The following RNF20 variants were observed in gnomAD, a reference collection of about 807,000 sequenced individuals.
The protein encoded by RNF20 is E3 ubiquitin-protein ligase BRE1A.
Under a neutral mutation model 126.2 loss-of-function variants are expected in RNF20, and 84 were observed. That is an observed-to-expected ratio of 0.67 (90% CI 0.56 to 0.80). The LOEUF is 0.80. Among genes scored for constraint, RNF20 ranks in the 30% least tolerant of loss-of-function variants. The pLI is 0.00. For missense variants in RNF20, 869 were observed against 1,188.2 expected (o/e 0.73, Z 3.95); for synonymous variants, 400 against 414.3 (o/e 0.97, Z 0.42).
At chr9:101,538,590 G>C (rs1347850538) in intron 2 of RNF20, among the ~76,000 whole-genome samples, 1 of 152,084 alleles carries the variant, frequency 6.6e-6, no homozygotes, top group Non-Finnish European at 1.5e-5. Flanking sequence ...GAAGCCTGCA[G>C]GGAAACAGTT....
intron 9 of RNF20, 56 bp from the exon 10 acceptor site, chr9:101,550,550 T>C: frequency 6.7e-7 from 1 of 1,486,596 alleles, no homozygotes; most frequent in Non-Finnish European, 9.2e-7. Context: ...ACTTCCTGTC[T>C]AGCGTCTGGG....
At position 101,547,181 on chromosome 9, in the gene RNF20, G is replaced by A; in HGVS notation, c.939G>A (p.Leu313=). The change falls in exon 8 of 20, where the codon CTG becomes CTA. Residue 313 remains leucine (L), a synonymous_variant. Coordinates refer to ENST00000389120, the MANE Select transcript of RNF20 (RefSeq NM_019592.7). The part of the protein sequence containing the change: ...GYKVYGAGSS[L]YGGTITINAR... Reference sequence around the variant, plus strand: ...AGGTGTATGGAGCGGGGAGCAGTCTGTATGGCGGCACAATCACTATCAATG... The same window carrying A: ...AGGTGTATGGAGCGGGGAGCAGTCTATATGGCGGCACAATCACTATCAATG... The A allele has an allele frequency of 6.2e-7, 1 of 1,614,132 alleles. No individual in the cohort carries two copies.
intron 10 of RNF20, among the ~76,000 whole-genome samples, chr9:101,551,057 G>T (rs1010369783): frequency 2.6e-5 from 4 of 152,204 alleles, no homozygotes; most frequent in African/African-American, 9.6e-5. Context: ...TGATACATGA[G>T]AAAAGAGTGT....
Position 101,538,154 on chromosome 9 carries a change from TTTGAAA to T in RNF20, c.130-2044_130-2039del, listed in dbSNP as rs1477753474. 9.9e-5 allele frequency among the ~76,000 whole-genome samples: 15 copies of T among 152,134 alleles called. No individual in the cohort carries two copies. In the East Asian group the frequency reaches 2.9e-3, roughly 29 times the overall value. On this transcript the variant is annotated intron_variant, in intron 2 of 19. Coordinates refer to ENST00000389120, the MANE Select transcript of RNF20 (RefSeq NM_019592.7). Reference sequence around the variant, plus strand: ...AGTGGTAGTTGTGAAGAATGAGGTGTTTGAAATTGAGCTTATAGAGGACATGTAGGT... The same window carrying T: ...AGTGGTAGTTGTGAAGAATGAGGTGTTTGAGCTTATAGAGGACATGTAGGT...
intron 15 of RNF20, among the ~76,000 whole-genome samples, chr9:101,555,958 CAA>C (rs1232665127): frequency 1.6e-5 from 2 of 124,194 alleles, no homozygotes; most frequent in Admixed American, 1.7e-4. Flanking sequence ...AACTCCATCT[CAA>C]AAAAAAAAAA....
intron 13 of RNF20, among the ~76,000 whole-genome samples, chr9:101,553,320 T>C (rs182790990): frequency 1.3e-5 from 2 of 152,338 alleles, no homozygotes; most frequent in East Asian, 3.9e-4. Context: ...ATAACTTCTC[T>C]GGCAGAACGG....
Position 101,540,273 on chromosome 9 carries a change from C to T in RNF20, c.200C>T (p.Ala67Val). The T allele has an allele frequency of 1.1e-5, 18 of 1,614,110 alleles. No individual in the cohort carries two copies. Among genetic ancestry groups the T allele is most frequent in the Non-Finnish European group, 1.4e-5 (17 of 1,180,012 alleles). Residue 67 changes from alanine (A) to valine (V), a missense_variant, in exon 3 of 20, where the codon GCC becomes GTC. Physicochemically the swap from Ala to Val is moderately conservative, Grantham distance 64. This residue lies in a region of RNF20 where 157 missense variants were observed against 236.0 expected (regional missense o/e 0.67). Transcript: ENST00000389120. ...GCAGAAATGTTGGATCAGCGGCAGG[C>T]CATTGAAGATGAACTTCGTGAGCAC... is the stretch of plus-strand genomic sequence containing the variant. ...KLAEMLDQRQ[A>V]IEDELREHIE...
Position 101,543,928 on chromosome 9 carries a change from G to T in RNF20, c.629-839G>T, listed in dbSNP as rs145951454. 5.2e-3 allele frequency among the ~76,000 whole-genome samples: 797 copies of T among 152,266 alleles called. 6 individuals carry two copies. Among genetic ancestry groups the T allele is most frequent in the South Asian group, 0.013 (63 of 4,822 alleles). ...TTTTAAAAGTTCCACAAGTGATTCT[G>T]ATGGGCAAGCCTAGCTTGAAAACCA... On this transcript the variant is annotated intron_variant, in intron 5 of 19. Transcript: ENST00000389120.
rs1042540090 is a variant in RNF20, at chr9:101,540,297, A to G, written c.224A>G (p.His75Arg). Residue 75 changes from histidine (H) to arginine (R), a missense_variant, in exon 3 of 20, where the codon CAC becomes CGC. Physicochemically the swap from His to Arg is conservative, Grantham distance 29 (BLOSUM62 0). Coordinates refer to ENST00000389120, the MANE Select transcript of RNF20 (RefSeq NM_019592.7). ...GCCATTGAAGATGAACTTCGTGAGC[A>G]CATTGAAAAACTGGAACGACGACAG... is the stretch of plus-strand genomic sequence containing the variant. ...RQAIEDELRE[H>R]IEKLERRQAT... 4 of 1,614,096 alleles carry G rather than the reference A, an allele frequency of 2.5e-6. No individual in the cohort carries two copies. The highest frequency in any genetic ancestry group is 2.7e-5 in the African/African-American group (2 of 74,940).
At chr9:101,555,044 A>G (rs562717395) in intron 15 of RNF20, among the ~76,000 whole-genome samples, 40 of 152,204 alleles carry the variant, frequency 2.6e-4, no homozygotes, top group African/African-American at 9.4e-4. Flanking sequence ...GTGAGGCAAG[A>G]AATTTACTTT....
intron 2 of RNF20, among the ~76,000 whole-genome samples, chr9:101,539,489 G>A (rs1827228019): frequency 6.6e-6 from 1 of 152,118 alleles, no homozygotes. Flanking sequence ...AGAGATAGAA[G>A]GAGACCGAAA....
chr9:101,542,104 T>C (rs1164076875), intron 5 of RNF20, among the ~76,000 whole-genome samples: 2 of 152,228 alleles, frequency 1.3e-5, no homozygotes, highest in East Asian at 1.9e-4. Context: ...GGTTGAACCA[T>C]TGGATGAGCA....
At position 101,550,752 on chromosome 9, in the gene RNF20, A is replaced by G. The variant is rs768017289; in HGVS notation, c.1239A>G (p.Arg413=). The G allele has an allele frequency of 6.2e-7, 1 of 1,614,214 alleles. No homozygotes were observed. The highest frequency in any genetic ancestry group is 1.7e-5 in the Admixed American group (1 of 60,026). The part of the protein sequence containing the change: ...DEARTLLHGT[R]GTHQHQVELI... Reference sequence around the variant, plus strand: ...CTCGGACCCTGCTTCATGGCACCAGAGGAACCCACCAGCACCAGGTTGAGC... The same window carrying G: ...CTCGGACCCTGCTTCATGGCACCAGGGGAACCCACCAGCACCAGGTTGAGC... The change falls in exon 10 of 20, where the codon AGA becomes AGG. Residue 413 remains arginine (R), a synonymous_variant. Coordinates refer to ENST00000389120, the MANE Select transcript of RNF20 (RefSeq NM_019592.7).
chr9:101,545,823 C>T (rs1827338155), intron 6 of RNF20, among the ~76,000 whole-genome samples: 1 of 152,142 alleles, frequency 6.6e-6, no homozygotes, highest in Non-Finnish European at 1.5e-5. Flanking sequence ...TTTGACAAAT[C>T]TCAGATAGTA....
rs146570152 is a variant in RNF20, at chr9:101,562,237, T to C, written c.2752-9T>C. 6 of 1,606,542 alleles carry C rather than the reference T, an allele frequency of 3.7e-6. No individual in the cohort carries two copies. Among genetic ancestry groups the C allele is most frequent in the Non-Finnish European group, 4.3e-6 (5 of 1,174,716 alleles). Reference sequence around the variant, plus strand: ...TGGTTGTTCAAACTCTGACATCTTTTCTTTTTAGGCACGCTTGACCTGTCC... The same window carrying C: ...TGGTTGTTCAAACTCTGACATCTTTCCTTTTTAGGCACGCTTGACCTGTCC... On this transcript the variant is annotated splice_polypyrimidine_tract_variant and intron_variant, in intron 19 of 19. Coordinates refer to ENST00000389120, the MANE Select transcript of RNF20 (RefSeq NM_019592.7).
At chr9:101,536,457 T>C (rs1564105861) in intron 2 of RNF20, among the ~76,000 whole-genome samples, 1 of 152,102 alleles carries the variant, frequency 6.6e-6, no homozygotes, top group Non-Finnish European at 1.5e-5. Context: ...GTCAGAATAA[T>C]AGGAACATTC....
rs548300807 is a variant in RNF20 at position 101,544,562 on chromosome 9, C to T, written c.629-205C>T. 2.0e-5 allele frequency among the ~76,000 whole-genome samples: 3 copies of T among 152,138 alleles called. No individual in the cohort carries two copies. The East Asian group carries it at 5.8e-4, about 30-fold the overall frequency. On this transcript the variant is annotated intron_variant, in intron 5 of 19. Transcript: ENST00000389120. The stretch of plus-strand genomic sequence containing the variant: ...CTCTACTAAAAATACAAAAATCATC[C>T]GGGTGTGGTGGCATGTGCCTGTAAT...
In RNF20 at chr9:101,553,296, C is replaced by T. The variant is rs533688027; in HGVS notation, c.1901+543C>T. Among the ~76,000 whole-genome samples the T allele has an allele frequency of 9.1e-4, 139 of 152,300 alleles. 2 individuals are homozygous for T. Among genetic ancestry groups the T allele is most frequent in the Admixed American group, 9.0e-3 (137 of 15,300 alleles). On this transcript the variant is annotated intron_variant, in intron 13 of 19. Coordinates refer to ENST00000389120, the MANE Select transcript of RNF20 (RefSeq NM_019592.7). ...GTCATAACCTTATGCATTGGCCCTTCTCCTGTATAACCAATAACTTCTCTG... is the reference window on the plus strand; with the variant it reads ...GTCATAACCTTATGCATTGGCCCTTTTCCTGTATAACCAATAACTTCTCTG...
At chr9:101,549,470 C>T (rs1051883205) in intron 9 of RNF20, among the ~76,000 whole-genome samples, 9 of 152,140 alleles carry the variant, frequency 5.9e-5, no homozygotes, top group African/African-American at 1.9e-4. Context: ...GGCCTAGGAG[C>T]GTGACCACTG....
Sources: gnomAD v4.1 joint callset for allele counts (sites outside exome capture counted in the v4.1 genomes callset) on GRCh38, gnomAD v4.1.1 for gene constraint, gnomAD v4.1.1 regional missense constraint, MANE v1.5 for transcripts, NCBI Gene and HGNC (gene_info 2026-07-23, HGNC 2026-07-21) for gene names.